The following LRP1B variants were observed in gnomAD, a reference collection of about 807,000 sequenced individuals.
LRP1B encodes the protein low-density lipoprotein receptor-related protein 1B.
LRP1B carries 217 observed loss-of-function variants against 556.6 expected under a neutral mutation model. The ratio of observed to expected loss-of-function variants is 0.39; its 90% CI spans 0.35 to 0.44. The LOEUF is 0.44. Ranked by LOEUF, LRP1B falls within the 20% of genes least tolerant of loss-of-function variation. The pLI, the probability that LRP1B is intolerant of heterozygous loss-of-function variation, is 1.00. For missense variants in LRP1B, 5,053 were observed against 5,620.8 expected (o/e 0.90, Z 3.23); for synonymous variants, 2,047 against 1,865.8 (o/e 1.10, Z -2.50).
At chr2:141,383,620 G>C (rs540928146) in intron 3 of LRP1B, among the ~76,000 whole-genome samples, 27 of 152,252 alleles carry the variant, frequency 1.8e-4, no homozygotes, top group African/African-American at 6.5e-4. Context: ...TCAAAGAACT[G>C]TAAGTCAAAA....
intron 21 of LRP1B, among the ~76,000 whole-genome samples, chr2:140,915,213 T>C (rs571884151): frequency 9.9e-5 from 15 of 152,164 alleles, no homozygotes; most frequent in African/African-American, 3.6e-4. Flanking sequence ...GAAAAGGTAA[T>C]AAAATCAAAG....
chr2:141,776,017 T>TTTG (rs1695058967), intron 2 of LRP1B, among the ~76,000 whole-genome samples: 1 of 151,974 alleles, frequency 6.6e-6, no homozygotes, highest in Non-Finnish European at 1.5e-5. Flanking sequence ...TAATTTTTTT[T>TTTG]TTGTATTTTT....
At chr2:141,982,999 G>T (rs1193428600) in intron 1 of LRP1B, among the ~76,000 whole-genome samples, 1 of 152,142 alleles carries the variant, frequency 6.6e-6, no homozygotes, top group South Asian at 2.1e-4. Context: ...AATGTAGCCA[G>T]TTTGAAGAGA....
At chr2:141,913,979 C>T (rs955446615) in intron 1 of LRP1B, among the ~76,000 whole-genome samples, 54 of 152,108 alleles carry the variant, frequency 3.6e-4, no homozygotes, top group African/African-American at 1.3e-3. Flanking sequence ...ATCTCCTGAC[C>T]TCATGATCTG....
intron 1 of LRP1B, among the ~76,000 whole-genome samples, chr2:142,115,257 A>G (rs1481682207): frequency 8.0e-5 from 12 of 150,908 alleles, no homozygotes; most frequent in Non-Finnish European, 5.9e-5. Context: ...AAAAAAAAAT[A>G]CAAGATGAGC....
intron 1 of LRP1B, among the ~76,000 whole-genome samples, chr2:141,981,546 G>A (rs1011002796): frequency 6.6e-6 from 1 of 152,104 alleles, no homozygotes; most frequent in South Asian, 2.1e-4. Flanking sequence ...ATTTTATTCT[G>A]TGTTCGAGAT....
chr2:141,132,334 A>G (rs1390012485), intron 7 of LRP1B, among the ~76,000 whole-genome samples: 2 of 151,842 alleles, frequency 1.3e-5, no homozygotes, highest in Admixed American at 1.3e-4. Context: ...TTCTCAGGGG[A>G]ATGGATTAGT....
chr2:141,651,039 G>A (rs1461705424), intron 2 of LRP1B, among the ~76,000 whole-genome samples: 2 of 152,156 alleles, frequency 1.3e-5, no homozygotes, highest in African/African-American at 2.4e-5. Flanking sequence ...TCTTATCCAT[G>A]CCGGACTTTA....
At chr2:140,922,384 C>A (rs1694763527) in intron 21 of LRP1B, among the ~76,000 whole-genome samples, 1 of 151,724 alleles carries the variant, frequency 6.6e-6, no homozygotes, top group Admixed American at 6.6e-5. Flanking sequence ...AATAACAGCC[C>A]CAATGACCCT....
At chr2:140,975,947 C>T (rs1231809677) in intron 18 of LRP1B, among the ~76,000 whole-genome samples, 9 of 151,810 alleles carry the variant, frequency 5.9e-5, no homozygotes, top group Admixed American at 5.9e-4. Context: ...TTTTTTGAGG[C>T]TGGGTCTCAC....
At position 140,660,876 on chromosome 2, in the gene LRP1B, T is replaced by TTC. The variant is rs536497326; in HGVS notation, c.6799+39373_6799+39374insGA. Among the ~76,000 whole-genome samples, 462 of 151,746 alleles carry TTC rather than the reference T, an allele frequency of 3.0e-3. 4 individuals carry two copies. The highest frequency in any genetic ancestry group is 0.02 in the South Asian group (98 of 4,824). On this transcript the variant is annotated intron_variant, in intron 41 of 90. Coordinates refer to ENST00000389484, the MANE Select transcript of LRP1B (RefSeq NM_018557.3). ...GGTTCTTCCTGTCTTTTTGTGTTTT[T>TTC]TTTTTTTTTAAACTCTCATTTTTAT... is the stretch of plus-strand genomic sequence containing the variant.
intron 1 of LRP1B, among the ~76,000 whole-genome samples, chr2:142,016,949 T>A (rs1212085356): frequency 1.3e-5 from 2 of 151,106 alleles, no homozygotes; most frequent in Non-Finnish European, 2.9e-5. Flanking sequence ...TATATGTGTA[T>A]ATACATAATT....
chr2:141,504,250 C>T (rs1683835656), intron 2 of LRP1B, among the ~76,000 whole-genome samples: 1 of 152,018 alleles, frequency 6.6e-6, no homozygotes, highest in South Asian at 2.1e-4. Flanking sequence ...TCTCCAAGGG[C>T]AGGATGATGT....
intron 15 of LRP1B, among the ~76,000 whole-genome samples, chr2:140,999,707 A>G (rs1697356720): frequency 2.6e-5 from 4 of 152,030 alleles, no homozygotes. Context: ...CTATTAAGAT[A>G]TTTGTATCTG....
chr2:141,534,692 G>A (rs1039534868), intron 2 of LRP1B, among the ~76,000 whole-genome samples: 2 of 152,120 alleles, frequency 1.3e-5, no homozygotes, highest in Non-Finnish European at 2.9e-5. Flanking sequence ...CCCTGAGATA[G>A]GGAGCTTTTT....
rs181428141 is a variant in LRP1B, at chr2:141,140,189, A to G, written c.1013+48232T>C. 1.1e-3 allele frequency among the ~76,000 whole-genome samples: 172 copies of G among 152,178 alleles called. 1 individual carries two copies. The highest frequency in any genetic ancestry group is 4.0e-3 in the African/African-American group (164 of 41,516). On this transcript the variant is annotated intron_variant, in intron 7 of 90. Coordinates refer to ENST00000389484, the MANE Select transcript of LRP1B (RefSeq NM_018557.3). ...ATCACTTCTTTCTTAAGGGGGAGGA[A>G]AAACTACATAGAGCACAAGGGAACG...
chr2:140,628,406 G>A (rs779779738), intron 41 of LRP1B, among the ~76,000 whole-genome samples: 17 of 151,938 alleles, frequency 1.1e-4, no homozygotes, highest in South Asian at 8.3e-4. Context: ...GCATGGTGGC[G>A]GGTGCCTGTA....
intron 3 of LRP1B, among the ~76,000 whole-genome samples, chr2:141,322,757 T>A (rs77219252): frequency 0.013 from 1,971 of 152,202 alleles, 34 homozygotes; most frequent in African/African-American, 0.042. Flanking sequence ...CCTTCTTATG[T>A]CTTTATTTCT....
chr2:140,375,425 C>T (rs1234545194), intron 68 of LRP1B, among the ~76,000 whole-genome samples: 1 of 152,016 alleles, frequency 6.6e-6, no homozygotes, highest in Non-Finnish European at 1.5e-5. Context: ...TTAGAGACCA[C>T]TTGGTGAATT....
Sources: gnomAD v4.1 joint callset for allele counts (sites outside exome capture counted in the v4.1 genomes callset) on GRCh38, gnomAD v4.1.1 for gene constraint, MANE v1.5 for transcripts, NCBI Gene and HGNC (gene_info 2026-07-23, HGNC 2026-07-21) for gene names.